TSHZ3: variants seen among roughly 807,000 people sequenced by gnomAD.
TSHZ3 encodes the protein teashirt homolog 3.
TSHZ3 carries 10 observed loss-of-function variants against 64.5 expected under a neutral mutation model. That is an observed-to-expected ratio of 0.16 (90% CI 0.10 to 0.26). TSHZ3 has a LOEUF of 0.26. TSHZ3 is among the 10% of genes least tolerant of loss of function. The pLI, the probability that TSHZ3 is intolerant of heterozygous loss-of-function variation, is 1.00. For synonymous variants in TSHZ3, 608 were observed against 593.1 expected (o/e 1.03, Z -0.36); for missense variants, 1,242 against 1,421.7 (o/e 0.87, Z 2.03).
In TSHZ3 at chr19:31,317,512, A is replaced by G. The variant is rs577531575; in HGVS notation, c.40+31668T>C. On this transcript the variant is annotated intron_variant, in intron 1 of 1. Coordinates refer to ENST00000240587, the MANE Select transcript of TSHZ3 (RefSeq NM_020856.4). The stretch of plus-strand genomic sequence containing the variant: ...GTCCTCACCCCAAATTTACTGCCAC[A>G]CTGACCCTACTGGCCAAGCACAGCA... Among the ~76,000 whole-genome samples the G allele has an allele frequency of 9.2e-5, 14 of 152,230 alleles. No homozygotes were observed. The East Asian group carries it at 2.3e-3, about 25-fold the overall frequency.
At chr19:31,192,997 A>G (rs1306360886) in intron 5 of TSHZ3, among the ~76,000 whole-genome samples, 3 of 152,168 alleles carry the variant, frequency 2.0e-5, no homozygotes, top group Non-Finnish European at 4.4e-5. Context: ...ATGATGCAAT[A>G]GGTACCTACA....
chr19:31,280,248 A>C (rs957669980), intron 1 of TSHZ3, among the ~76,000 whole-genome samples: 7 of 152,190 alleles, frequency 4.6e-5, no homozygotes, highest in Admixed American at 4.6e-4. Context: ...ATCTTTAATA[A>C]ATATAAAGTA....
intron 1 of TSHZ3, among the ~76,000 whole-genome samples, chr19:31,253,869 G>A (rs1462132593): frequency 1.3e-5 from 2 of 152,174 alleles, no homozygotes; most frequent in Admixed American, 1.3e-4. Context: ...TCTGTAATGT[G>A]TGGCAATTTC....
chr19:31,320,951 A>C (rs529976165), intron 1 of TSHZ3, among the ~76,000 whole-genome samples: 2 of 152,320 alleles, frequency 1.3e-5, no homozygotes, highest in East Asian at 3.9e-4. Flanking sequence ...AGATGTTAGC[A>C]GGTGTCAGGA....
At chr19:31,260,065 T>C (rs890119773) in intron 1 of TSHZ3, among the ~76,000 whole-genome samples, 6 of 152,140 alleles carry the variant, frequency 3.9e-5, no homozygotes, top group Non-Finnish European at 5.9e-5. Context: ...ATTGTCCAGG[T>C]TAATTGTTCA....
chr19:31,340,495 A>C (rs1255822204), intron 1 of TSHZ3, among the ~76,000 whole-genome samples: 2 of 130,014 alleles, frequency 1.5e-5, no homozygotes, highest in East Asian at 5.2e-4. Context: ...CACACAGAAA[A>C]GGGGAAAGGG....
At chr19:31,260,367 T>C (rs1364269419) in intron 1 of TSHZ3, among the ~76,000 whole-genome samples, 2 of 152,178 alleles carry the variant, frequency 1.3e-5, no homozygotes, top group South Asian at 2.1e-4. Flanking sequence ...CTACATAAAG[T>C]GTACTTTGGC....
intron 1 of TSHZ3, among the ~76,000 whole-genome samples, chr19:31,331,949 G>A (rs1302591381): frequency 6.6e-6 from 1 of 152,186 alleles, no homozygotes; most frequent in Non-Finnish European, 1.5e-5. Flanking sequence ...AGGAGGAAGG[G>A]AGAGGAGGTA....
chr19:31,316,257 A>T (rs965538059), intron 1 of TSHZ3, among the ~76,000 whole-genome samples: 2 of 152,184 alleles, frequency 1.3e-5, no homozygotes, highest in Non-Finnish European at 2.9e-5. Flanking sequence ...TCCAGGGGGA[A>T]ATCTGCCTAA....
intron 5 of TSHZ3, among the ~76,000 whole-genome samples, chr19:31,187,146 C>T (rs1197399891): frequency 6.6e-6 from 1 of 152,092 alleles, no homozygotes; most frequent in African/African-American, 2.4e-5. Flanking sequence ...ATGACTCTAA[C>T]CTTTGTGGGC....
intron 1 of TSHZ3, among the ~76,000 whole-genome samples, chr19:31,264,558 G>C (rs1406455008): frequency 2.0e-5 from 3 of 152,166 alleles, no homozygotes; most frequent in Non-Finnish European, 2.9e-5. Flanking sequence ...CCAGAGAGCG[G>C]ATGTCCTGTC....
At chr19:31,215,518 C>T (rs995003459) in intron 4 of TSHZ3, among the ~76,000 whole-genome samples, 3 of 152,092 alleles carry the variant, frequency 2.0e-5, no homozygotes, top group Non-Finnish European at 4.4e-5. Context: ...TAGCTGGTCC[C>T]AATTGTGTTG....
At chr19:31,287,288 T>C (rs1976479432) in intron 1 of TSHZ3, among the ~76,000 whole-genome samples, 1 of 152,224 alleles carries the variant, frequency 6.6e-6, no homozygotes, top group South Asian at 2.1e-4. Context: ...TCTGAAGTTA[T>C]AACCCTCCGT....
chr19:31,276,157 T>G lies in TSHZ3; in HGVS notation c.*390A>C, dbSNP rs1039969210. 1 of 162,546 alleles carries G rather than the reference T, an allele frequency of 6.2e-6. No individual in the cohort carries two copies. Among genetic ancestry groups the G allele is most frequent in the Non-Finnish European group, 1.3e-5 (1 of 75,096 alleles). 10.1% of individuals were successfully genotyped at this position (162,546 alleles called of 1,614,324 possible). Reference sequence around the variant, plus strand: ...TTAATGCAAAAGTGCTTCAAAGTACTCAGAGGGCTAAAGATGAAAGGGTGA... The same window carrying G: ...TTAATGCAAAAGTGCTTCAAAGTACGCAGAGGGCTAAAGATGAAAGGGTGA... On this transcript the variant is annotated 3_prime_UTR_variant, in exon 2 of 2. Transcript: ENST00000240587.
chr19:31,309,363 G>C (rs377160423), intron 1 of TSHZ3, among the ~76,000 whole-genome samples: 8 of 150,544 alleles, frequency 5.3e-5, no homozygotes, highest in African/African-American at 2.0e-4. Context: ...TCTAGCAGGC[G>C]TAGATGGGTG....
intron 1 of TSHZ3, among the ~76,000 whole-genome samples, chr19:31,294,022 C>T (rs545318333): frequency 6.6e-6 from 1 of 152,292 alleles, no homozygotes; most frequent in Non-Finnish European, 1.5e-5. Context: ...AGAACAGAGA[C>T]ACTCCAGTAA....
At chr19:31,334,317 A>G (rs1273109131) in intron 1 of TSHZ3, among the ~76,000 whole-genome samples, 2 of 152,230 alleles carry the variant, frequency 1.3e-5, no homozygotes, top group Non-Finnish European at 2.9e-5. Flanking sequence ...AGCAGAAACA[A>G]AGGCAAGAAA....
intron 4 of TSHZ3, among the ~76,000 whole-genome samples, chr19:31,220,670 G>A (rs1418733885): frequency 1.3e-5 from 2 of 152,194 alleles, no homozygotes; most frequent in Admixed American, 6.5e-5. Flanking sequence ...TGGCAGGTAA[G>A]GAAGGATGAT....
At chr19:31,244,593 C>T (rs10425658) in intron 1 of TSHZ3, among the ~76,000 whole-genome samples, 45,407 of 152,046 alleles carry the variant, frequency 0.3, 8,017 homozygotes, top group African/African-American at 0.48. Context: ...GAAGATTGCC[C>T]AAATTGTGAT....
Sources: gnomAD v4.1 joint callset for allele counts (sites outside exome capture counted in the v4.1 genomes callset) on GRCh38, gnomAD v4.1.1 for gene constraint, MANE v1.5 for transcripts, NCBI Gene and HGNC (gene_info 2026-07-23, HGNC 2026-07-21) for gene names.